The following KIAA0586 variants were observed in gnomAD, a reference collection of about 807,000 sequenced individuals.
The protein encoded by KIAA0586 is protein TALPID3.
A neutral mutation model predicts 169.8 loss-of-function variants in KIAA0586; 144 were observed. That is an observed-to-expected ratio of 0.85 (90% CI 0.74 to 0.97). The LOEUF (loss-of-function observed/expected upper bound fraction) is 0.97. Among genes scored for constraint, KIAA0586 ranks in the 50% least tolerant of loss-of-function variants. The pLI is 0.00. For missense variants in KIAA0586, 1,854 were observed against 1,823.0 expected, an observed-to-expected ratio of 1.02 and a Z score of -0.31; for synonymous variants, 625 against 612.4, an observed-to-expected ratio of 1.02 and a Z score of -0.30.
At chr14:58,485,559 A>G (rs1014351885) in intron 21 of KIAA0586, among the ~76,000 whole-genome samples, 2 of 152,200 alleles carry the variant, frequency 1.3e-5, no homozygotes, top group African/African-American at 4.8e-5. Flanking sequence ...ATATATCCAT[A>G]TATCATACAT....
At chr14:58,553,465 A>G (rs1403967836), downstream of KIAA0586, among the ~76,000 whole-genome samples, 1 of 152,206 alleles carries the variant, frequency 6.6e-6, no homozygotes, top group African/African-American at 2.4e-5. Context: ...AAGGAAAGCA[A>G]TAGCTTTTAG....
At chr14:58,460,923 G>A in intron 13 of KIAA0586, 63 bp from the exon 14 acceptor site, 2 of 1,254,712 alleles carry the variant, frequency 1.6e-6, no homozygotes, top group Non-Finnish European at 1.1e-6. Flanking sequence ...GGAGGCTTTA[G>A]AAAAATGAGA....
intron 19 of KIAA0586, 93 bp from the exon 20 acceptor site, chr14:58,477,029 TA>T: frequency 1.6e-6 from 1 of 629,098 alleles, no homozygotes. Flanking sequence ...GTGGCATTGG[TA>T]AAGGTTATTT....
At position 58,471,979 on chromosome 14, in the gene KIAA0586, C is replaced by T. The variant is rs138209307; in HGVS notation, c.2554-220C>T. On this transcript the variant is annotated intron_variant, in intron 17 of 30. Coordinates refer to ENST00000652326, the MANE Select transcript of KIAA0586 (RefSeq NM_001329943.3). ...GCTGATGGAGTCCTTTACAGAAAAA[C>T]AGCTGATTAATTTTTTAAAGCTATT... Among the ~76,000 whole-genome samples, 20 of 152,132 alleles carry T rather than the reference C, an allele frequency of 1.3e-4. No homozygotes were observed. The East Asian group carries it at 3.5e-3, about 26-fold the overall frequency.
intron 19 of KIAA0586, among the ~76,000 whole-genome samples, chr14:58,475,444 G>C (rs1290186148): frequency 1.3e-5 from 2 of 148,792 alleles, no homozygotes; most frequent in African/African-American, 2.5e-5. Flanking sequence ...ACCAATCCCT[G>C]ATGCCAAAAA....
At chr14:58,479,191 G>A (rs914170263) in intron 20 of KIAA0586, among the ~76,000 whole-genome samples, 2 of 152,220 alleles carry the variant, frequency 1.3e-5, no homozygotes, top group Admixed American at 1.3e-4. Flanking sequence ...ACTTGGTGTT[G>A]TCAGTGTTTA....
At position 58,467,927 on chromosome 14, in the gene KIAA0586, G is replaced by C. The variant is rs1305527901; in HGVS notation, c.2442+5G>C. 1 of 1,592,382 alleles carries C rather than the reference G, an allele frequency of 6.3e-7. No individual in the cohort carries two copies. Among genetic ancestry groups the C allele is most frequent in the East Asian group, 2.2e-5 (1 of 44,596 alleles). The stretch of plus-strand genomic sequence containing the variant: ...CCTCCTCAGCTTACTGTGCAGGTAT[G>C]CCAGGGTGCATGAGTAGAAAATTTT... On this transcript the variant is annotated splice_donor_5th_base_variant and intron_variant, in intron 16 of 30. Transcript: ENST00000652326.
intron 12 of KIAA0586, among the ~76,000 whole-genome samples, chr14:58,459,502 G>A (rs745507961): frequency 6.6e-6 from 1 of 151,912 alleles, no homozygotes; most frequent in Non-Finnish European, 1.5e-5. Flanking sequence ...TTTTTGAAAT[G>A]TATTTTTAAT....
intron 29 of KIAA0586, among the ~76,000 whole-genome samples, chr14:58,537,472 T>C (rs895455203): frequency 1.3e-5 from 2 of 152,196 alleles, no homozygotes; most frequent in Admixed American, 6.5e-5. Context: ...TGAGGTGGTA[T>C]TGATACCTTT....
rs1595436770 is a variant in KIAA0586, at chr14:58,510,813, A to T, written c.4324-1709A>T. 3.3e-5 allele frequency among the ~76,000 whole-genome samples: 5 copies of T among 152,214 alleles called. No homozygotes were observed. In the East Asian group the frequency reaches 7.7e-4, roughly 23 times the overall value. ...CAAAAGGCATGAACTATGAATACAAACAATAACATGGATGGTTCTTACAAA... is the reference window on the plus strand; with the variant it reads ...CAAAAGGCATGAACTATGAATACAATCAATAACATGGATGGTTCTTACAAA... On this transcript the variant is annotated intron_variant, in intron 28 of 30. Transcript: ENST00000652326.
intron 14 of KIAA0586, chr14:58,464,024 A>T: frequency 4.4e-6 from 2 of 449,886 alleles, no homozygotes; most frequent in Non-Finnish European, 9.1e-6. Flanking sequence ...TAAATTTCAG[A>T]CTATGACCAG....
rs758384631 is a variant in KIAA0586, at chr14:58,498,937, C to G, written c.4145C>G (p.Ser1382Cys). 16 of 1,605,524 alleles carry G rather than the reference C, an allele frequency of 1.0e-5. No homozygotes were observed. The highest frequency in any genetic ancestry group is 1.3e-5 in the African/African-American group (1 of 74,904). The change falls in exon 27 of 31, where the codon TCT (serine) becomes TGT (cysteine). Residue 1382 changes from serine to cysteine, a missense_variant. Ser to Cys is a moderately radical substitution (Grantham distance 112). Transcript: ENST00000652326. ...LDQQCDPKPLSRQFDTVSGSI... is the reference protein window; with the variant it reads ...LDQQCDPKPLCRQFDTVSGSI... ...CAACAATGTGATCCTAAACCATTATCTCGGCAATTTGACACAGTTTCAGGT... is the reference window on the plus strand; with the variant it reads ...CAACAATGTGATCCTAAACCATTATGTCGGCAATTTGACACAGTTTCAGGT...
At position 58,547,801 on chromosome 14, in the gene KIAA0586, T is replaced by C; in HGVS notation, c.4516T>C (p.Ser1506Pro). The C allele has an allele frequency of 6.2e-7, 1 of 1,612,692 alleles. No homozygotes were observed. The change falls in exon 31 of 31, where the codon TCC becomes CCC. Residue 1506 changes from serine (S) to proline (P), a missense_variant. Coordinates refer to ENST00000652326, the MANE Select transcript of KIAA0586 (RefSeq NM_001329943.3). ...VFSGGKAVPL[S>P]ASQMPPAKMS... ...TGCAGGTGGGAAAGCAGTGCCACTCTCCGCTTCACAGATGCCCCCTGCCAA... is the reference window on the plus strand; with the variant it reads ...TGCAGGTGGGAAAGCAGTGCCACTCCCCGCTTCACAGATGCCCCCTGCCAA...
intron 18 of KIAA0586, among the ~76,000 whole-genome samples, chr14:58,473,921 A>G (rs2041415413): frequency 6.6e-6 from 1 of 151,954 alleles, no homozygotes; most frequent in Non-Finnish European, 1.5e-5. Context: ...AAAAAAAAAA[A>G]GTAAAGAGAT....
Position 58,551,059 on chromosome 14 carries a change from T to C in KIAA0586, c.*3127T>C. 6.6e-6 allele frequency: 1 copy of C among 151,902 alleles called. No homozygotes were observed. The highest frequency in any genetic ancestry group is 1.5e-5 in the Non-Finnish European group (1 of 68,038). 9.4% of individuals were successfully genotyped at this position (151,902 alleles called of 1,614,324 possible). The stretch of plus-strand genomic sequence containing the variant: ...CAAAAATTAGCCAGGCATGGTGGCG[T>C]GTGCCTGTAATCCCAGCTACTTGGG... On this transcript the variant is annotated 3_prime_UTR_variant, in exon 31 of 31. Transcript: ENST00000652326.
rs775866462 is a variant in KIAA0586, at chr14:58,465,924, G to A, written c.2149G>A (p.Val717Met). Residue 717 changes from valine to methionine, a missense_variant, in exon 15 of 31, where the codon GTG (valine) becomes ATG (methionine). By Grantham distance (21) the Val-to-Met change is conservative. Transcript: ENST00000652326. Reference protein sequence around the residue: ...MDSKMKHSVPVLPHGDQQYLF... With the variant: ...MDSKMKHSVPMLPHGDQQYLF... ...TTCTAAAATGAAACATTCTGTTCCT[G>A]TGTTACCTCATGGCGATCAGCAATA... is the stretch of plus-strand genomic sequence containing the variant. 6 of 1,612,704 alleles carry A rather than the reference G, an allele frequency of 3.7e-6. No homozygotes were observed. The highest frequency in any genetic ancestry group is 5.1e-6 in the Non-Finnish European group (6 of 1,178,964).
At chr14:58,471,370 A>T (rs2041201109) in intron 17 of KIAA0586, among the ~76,000 whole-genome samples, 1 of 152,202 alleles carries the variant, frequency 6.6e-6, no homozygotes, top group Non-Finnish European at 1.5e-5. Flanking sequence ...TTGGGAGTTT[A>T]TATTTTGGAA....
chr14:58,548,618 A>T lies in KIAA0586; in HGVS notation c.*686A>T, dbSNP rs2047121812. 1 of 152,114 alleles carries T rather than the reference A, an allele frequency of 6.6e-6. No individual in the cohort carries two copies. The highest frequency in any genetic ancestry group is 1.5e-5 in the Non-Finnish European group (1 of 68,002). The allele number at this position is 152,114 out of a possible 1,614,324, so 9.4% of individuals were successfully genotyped here. A position where few individuals can be genotyped will look rare whatever the true frequency, so the allele number is the denominator to read the frequency against. On this transcript the variant is annotated 3_prime_UTR_variant, in exon 31 of 31. Transcript: ENST00000652326. ...AGAATTGTTGGCTGGGTGATAGGAG[A>T]GGCTAAGTGATAGGAATCAAGGATA...
chr14:58,476,077 G>T (rs867381876), intron 19 of KIAA0586, among the ~76,000 whole-genome samples: 4 of 152,166 alleles, frequency 2.6e-5, no homozygotes, highest in African/African-American at 9.7e-5. Flanking sequence ...CAGACTGGGC[G>T]AAAGAGTGAG....
Sources: gnomAD v4.1 joint callset for allele counts (sites outside exome capture counted in the v4.1 genomes callset) on GRCh38, gnomAD v4.1.1 for gene constraint, MANE v1.5 for transcripts, NCBI Gene and HGNC (gene_info 2026-07-23, HGNC 2026-07-21) for gene names.